Variants in USP7 observed in about 807,000 individuals in gnomAD.
USP7 encodes the protein ubiquitin specific peptidase 7.
In USP7, 9 loss-of-function variants were observed where a neutral mutation model predicts 162.9. The ratio of observed to expected loss-of-function variants is 0.06; its 90% CI spans 0.03 to 0.10. The LOEUF is 0.10. Ranked by LOEUF, USP7 falls within the 10% of genes least tolerant of loss-of-function variation. The probability of loss-of-function intolerance (pLI) is 1.00; values close to 1 mark genes in which losing one functional copy is unlikely to be tolerated. For synonymous variants in USP7, 562 were observed against 475.9 expected, an observed-to-expected ratio of 1.18 and a Z score of -2.35; for missense variants, 715 against 1,373.7, an observed-to-expected ratio of 0.52 and a Z score of 7.58.
chr16:8,916,598 T>G, intron 7 of USP7, 42 bp from the exon 8 acceptor site: 1 of 1,559,958 alleles, frequency 6.4e-7, no homozygotes, highest in Non-Finnish European at 8.7e-7. Context: ...AAGCTCAACT[T>G]TCAAATGAGC....
At chr16:8,917,636 C>A (rs1272306983) in intron 6 of USP7, among the ~76,000 whole-genome samples, 1 of 152,202 alleles carries the variant, frequency 6.6e-6, no homozygotes. Context: ...ACCTTGGCCT[C>A]CCAAAGTGCT....
chr16:8,908,484 G>T, intron 11 of USP7, 34 bp from the exon 12 acceptor site: 1 of 1,566,670 alleles, frequency 6.4e-7, no homozygotes, highest in Non-Finnish European at 8.7e-7. Flanking sequence ...AATGTAGTTA[G>T]CCTCTACTTA....
At position 8,905,118 on chromosome 16, in the gene USP7, T is replaced by C. The variant is rs370044222; in HGVS notation, c.1573+69A>G. The C allele has an allele frequency of 3.7e-5, 58 of 1,547,482 alleles. No individual in the cohort carries two copies. The African/African-American group carries it at 6.9e-4, about 18-fold the overall frequency. On this transcript the variant is annotated intron_variant, in intron 14 of 30. Coordinates refer to ENST00000344836, the MANE Select transcript of USP7 (RefSeq NM_003470.3). ...AATGTGTTTGGACAGAAAAGGATAT[T>C]GGAGATTCATGGTACAAATGTCCAA...
At chr16:8,894,951 G>A (rs1432443753) in intron 28 of USP7, 80 bp downstream of exon 28, 31 of 1,613,300 alleles carry the variant, frequency 1.9e-5, no homozygotes, top group Non-Finnish European at 2.5e-5. Context: ...AACCCCAGCA[G>A]GAGCGCAGAT....
chr16:8,953,704 G>A (rs1657087), intron 1 of USP7, among the ~76,000 whole-genome samples: 2 of 8,780 alleles, frequency 2.3e-4, no homozygotes, highest in African/African-American at 5.0e-4. Flanking sequence ...CACGTGCCCC[G>A]TGCGGCGCCA....
chr16:8,903,406 A>G lies in USP7; in HGVS notation c.1705-4T>C. 1 of 1,613,012 alleles carries G rather than the reference A, an allele frequency of 6.2e-7. No individual in the cohort carries two copies. Among genetic ancestry groups the G allele is most frequent in the Non-Finnish European group, 8.5e-7 (1 of 1,179,258 alleles). On this transcript the variant is annotated splice_region_variant and splice_polypyrimidine_tract_variant and intron_variant, in intron 15 of 30. Transcript: ENST00000344836. ...AAAACTGGTCCTCTGCGACTATCTG[A>G]AAATATGTATGAAAGCACAGAAAAG...
At chr16:8,919,195 G>C (rs1897540756) in intron 5 of USP7, 56 bp from the exon 6 acceptor site, 9 of 1,562,360 alleles carry the variant, frequency 5.8e-6, no homozygotes, top group Non-Finnish European at 7.9e-6. Flanking sequence ...TGCTCCTGCA[G>C]TGTGTGTGAA....
At chr16:8,900,822 TA>T (rs372411168) in intron 20 of USP7, 167 bp downstream of exon 20, 52,200 of 490,716 alleles carry the variant, frequency 0.11, 2 homozygotes, top group South Asian at 0.16. Context: ...CTACAACAGG[TA>T]AAAAAAAAAA....
intron 28 of USP7, 52 bp from the exon 29 acceptor site, chr16:8,894,907 C>A: frequency 6.2e-7 from 1 of 1,614,006 alleles, no homozygotes. Flanking sequence ...CACCCCCAGG[C>A]CACGTCACGT....
At chr16:8,930,124 A>C (rs1034912236) in intron 2 of USP7, among the ~76,000 whole-genome samples, 169 bp downstream of exon 2, 1 of 152,198 alleles carries the variant, frequency 6.6e-6, no homozygotes, top group African/African-American at 2.4e-5. Context: ...TGGTGTAGGC[A>C]ATCTTGAAAC....
At chr16:8,898,015 G>A (rs955006295) in intron 25 of USP7, among the ~76,000 whole-genome samples, 1 of 151,998 alleles carries the variant, frequency 6.6e-6, no homozygotes, top group African/African-American at 2.4e-5. Flanking sequence ...GGACTGCTCC[G>A]TTCACAGGCC....
chr16:8,904,386 G>T, intron 15 of USP7, 49 bp downstream of exon 15: 3 of 1,603,982 alleles, frequency 1.9e-6, no homozygotes, highest in Non-Finnish European at 1.7e-6. Flanking sequence ...TATAGAGATG[G>T]GTGCCCGGCT....
chr16:8,949,417 T>C (rs190406985), intron 1 of USP7: 1 of 152,346 alleles, frequency 6.6e-6, no homozygotes, highest in African/African-American at 2.4e-5. Context: ...CCCTGAACTT[T>C]ACAACCTCAA....
At chr16:8,952,101 A>T (rs544378537) in intron 1 of USP7, among the ~76,000 whole-genome samples, 1 of 152,116 alleles carries the variant, frequency 6.6e-6, no homozygotes, top group Non-Finnish European at 1.5e-5. Flanking sequence ...CAAAAAAGAA[A>T]AAAAATGGCC....
chr16:8,895,822 TAA>T (rs2061672441), intron 26 of USP7, 81 bp from the exon 27 acceptor site: 6 of 961,656 alleles, frequency 6.2e-6, no homozygotes, highest in Admixed American at 3.1e-5. Context: ...TAGAAAGAAA[TAA>T]AGTTACCACG....
chr16:8,913,151 C>A (rs2061974963), intron 10 of USP7, among the ~76,000 whole-genome samples: 1 of 152,158 alleles, frequency 6.6e-6, no homozygotes, highest in Admixed American at 6.5e-5. Flanking sequence ...AGGTCAGGAA[C>A]TCGAGACCAG....
chr16:8,906,786 T>G (rs2061867496), intron 12 of USP7, among the ~76,000 whole-genome samples: 1 of 152,198 alleles, frequency 6.6e-6, no homozygotes, highest in Admixed American at 6.5e-5. Flanking sequence ...ACACTATGAA[T>G]AATTTAGGGT....
At chr16:8,962,498 G>C (rs1392019321) in intron 1 of USP7, 4 of 452,350 alleles carry the variant, frequency 8.8e-6, no homozygotes, top group African/African-American at 4.0e-5. Context: ...GTTTGATTCT[G>C]ATGCAGGCAG....
At chr16:8,939,661 C>G (rs1219420647) in intron 1 of USP7, among the ~76,000 whole-genome samples, 1 of 152,238 alleles carries the variant, frequency 6.6e-6, no homozygotes, top group East Asian at 1.9e-4. Flanking sequence ...TCCAGGCATT[C>G]TCAATGTAAT....
Sources: gnomAD v4.1 joint callset for allele counts (sites outside exome capture counted in the v4.1 genomes callset) on GRCh38, gnomAD v4.1.1 for gene constraint, MANE v1.5 for transcripts, NCBI Gene and HGNC (gene_info 2026-07-23, HGNC 2026-07-21) for gene names.